Variants in PDE7B observed in about 807,000 individuals in gnomAD.
PDE7B encodes the protein 3',5'-cyclic-AMP phosphodiesterase 7B.
In PDE7B, 29 loss-of-function variants were observed where a neutral mutation model predicts 56.2. The observed-to-expected ratio is 0.52, with a 90% CI of 0.38 to 0.70. The LOEUF is 0.70. Ranked by LOEUF, PDE7B falls within the 30% of genes least tolerant of loss-of-function variation. The pLI, the probability that PDE7B is intolerant of heterozygous loss-of-function variation, is 0.00. For missense variants in PDE7B, 490 were observed against 565.0 expected, an observed-to-expected ratio of 0.87 and a Z score of 1.35; for synonymous variants, 197 against 196.9, an observed-to-expected ratio of 1.00 and a Z score of 0.00.
intron 1 of PDE7B, among the ~76,000 whole-genome samples, chr6:135,906,751 T>C (rs1032051605): frequency 2.7e-5 from 4 of 150,290 alleles, no homozygotes; most frequent in Admixed American, 1.3e-4. Context: ...CTCATACAAA[T>C]ACTTTTCATA....
rs200773973 is a variant in PDE7B at position 135,998,572 on chromosome 6, C to T, written c.82+51048C>T. ...GAGATCGAGACCATCCTGGCTAACA[C>T]GGTGAAACCCTGTCTCTACTAAAAA... On this transcript the variant is annotated intron_variant, in intron 2 of 12. Coordinates refer to ENST00000308191, the MANE Select transcript of PDE7B (RefSeq NM_018945.4). 8.6e-4 allele frequency among the ~76,000 whole-genome samples: 131 copies of T among 151,990 alleles called. 1 individual carries two copies. Among genetic ancestry groups the T allele is most frequent in the Admixed American group, 7.2e-4 (11 of 15,252 alleles).
chr6:136,096,666 T>A (rs1172485520), intron 2 of PDE7B, among the ~76,000 whole-genome samples: 1 of 151,902 alleles, frequency 6.6e-6, no homozygotes, highest in Non-Finnish European at 1.5e-5. Flanking sequence ...TTTTAGAAAT[T>A]ACTATTATTC....
intron 2 of PDE7B, among the ~76,000 whole-genome samples, chr6:135,954,526 C>A (rs1480238634): frequency 6.6e-6 from 1 of 152,120 alleles, no homozygotes; most frequent in Non-Finnish European, 1.5e-5. Flanking sequence ...GAGGAACTAT[C>A]CTAAGAGGAA....
chr6:135,928,439 A>ATATATTTATTTATT (rs1463776713), intron 1 of PDE7B, among the ~76,000 whole-genome samples: 53 of 109,424 alleles, frequency 4.8e-4, no homozygotes, highest in African/African-American at 1.5e-3. Context: ...TTATATATAT[A>ATATATTTATTTATT]TATATATATT....
At chr6:136,063,819 T>A (rs373990817) in intron 2 of PDE7B, among the ~76,000 whole-genome samples, 1 of 152,166 alleles carries the variant, frequency 6.6e-6, no homozygotes, top group East Asian at 1.9e-4. Flanking sequence ...ACCCTCTCAT[T>A]TCCAAATTCC....
At chr6:135,906,814 T>TTTG (rs1203088428) in intron 1 of PDE7B, among the ~76,000 whole-genome samples, 1 of 134,458 alleles carries the variant, frequency 7.4e-6, no homozygotes, top group Non-Finnish European at 1.5e-5. Flanking sequence ...AGGTTTGTTT[T>TTTG]TTTTTTTTTT....
At chr6:135,884,388 AG>A (rs1775665171) in intron 1 of PDE7B, among the ~76,000 whole-genome samples, 1 of 152,218 alleles carries the variant, frequency 6.6e-6, no homozygotes, top group Non-Finnish European at 1.5e-5. Flanking sequence ...TCTTTCTTCT[AG>A]TCATCACATA....
chr6:135,877,537 A>AG (rs1775521485), intron 1 of PDE7B, among the ~76,000 whole-genome samples: 1 of 151,958 alleles, frequency 6.6e-6, no homozygotes, highest in South Asian at 2.1e-4. Flanking sequence ...CCTTTCCCTG[A>AG]GGGGCAGCCC....
At chr6:136,059,807 G>A (rs1042039196) in intron 2 of PDE7B, among the ~76,000 whole-genome samples, 2 of 152,108 alleles carry the variant, frequency 1.3e-5, no homozygotes, top group South Asian at 4.1e-4. Context: ...ATAAGTAAAA[G>A]GCTAATCATC....
chr6:136,187,336 A>G (rs1450252672), intron 12 of PDE7B, among the ~76,000 whole-genome samples: 1 of 152,252 alleles, frequency 6.6e-6, no homozygotes, highest in East Asian at 1.9e-4. Flanking sequence ...GCTTTGTTAT[A>G]GGCCCTTAAC....
At chr6:135,971,343 C>G (rs948377303) in intron 2 of PDE7B, among the ~76,000 whole-genome samples, 25 of 152,158 alleles carry the variant, frequency 1.6e-4, no homozygotes, top group African/African-American at 6.0e-4. Context: ...TTCTAGCCTT[C>G]CCGAACTGTG....
At chr6:136,189,506 G>A (rs188657762) in intron 12 of PDE7B, among the ~76,000 whole-genome samples, 31 of 152,316 alleles carry the variant, frequency 2.0e-4, no homozygotes, top group African/African-American at 6.7e-4. Context: ...AAGGGGTCAA[G>A]GCTGCAGTGA....
At chr6:136,016,274 A>G (rs995505031) in intron 2 of PDE7B, among the ~76,000 whole-genome samples, 1 of 152,212 alleles carries the variant, frequency 6.6e-6, no homozygotes, top group African/African-American at 2.4e-5. Flanking sequence ...CCAACCTAGT[A>G]TCTGTACATG....
At chr6:136,049,462 A>T (rs1429747275) in intron 2 of PDE7B, 1 of 151,860 alleles carries the variant, frequency 6.6e-6, no homozygotes, top group Non-Finnish European at 1.5e-5. Flanking sequence ...GGATGAGAAA[A>T]CATATAAGAA....
chr6:136,012,277 T>G (rs902025530), intron 2 of PDE7B, among the ~76,000 whole-genome samples: 4 of 152,198 alleles, frequency 2.6e-5, no homozygotes, highest in African/African-American at 9.7e-5. Context: ...GTGTCTCTGC[T>G]GGTTTGCTCT....
chr6:135,942,789 C>T (rs574795191), intron 1 of PDE7B, among the ~76,000 whole-genome samples: 1 of 152,052 alleles, frequency 6.6e-6, no homozygotes, highest in African/African-American at 2.4e-5. Context: ...AACATAATGT[C>T]CTCCAGATTC....
intron 2 of PDE7B, among the ~76,000 whole-genome samples, chr6:136,092,047 T>C (rs906917860): frequency 6.6e-6 from 1 of 152,202 alleles, no homozygotes; most frequent in South Asian, 2.1e-4. Flanking sequence ...TTGTCCCCGA[T>C]TATCATCCTG....
intron 3 of PDE7B, among the ~76,000 whole-genome samples, chr6:136,131,188 C>T (rs1343597561): frequency 1.3e-5 from 2 of 152,166 alleles, no homozygotes; most frequent in Non-Finnish European, 2.9e-5. Context: ...GCTTCCAGTT[C>T]ATTTGACAAC....
intron 2 of PDE7B, among the ~76,000 whole-genome samples, chr6:136,002,256 G>T (rs1187630643): frequency 1.3e-5 from 2 of 152,190 alleles, no homozygotes; most frequent in Non-Finnish European, 2.9e-5. Flanking sequence ...AAGCCAAATT[G>T]TCAAGACCGT....
Sources: gnomAD v4.1 joint callset for allele counts (sites outside exome capture counted in the v4.1 genomes callset) on GRCh38, gnomAD v4.1.1 for gene constraint, MANE v1.5 for transcripts, NCBI Gene and HGNC (gene_info 2026-07-23, HGNC 2026-07-21) for gene names.